Variants in LONP2 observed in about 807,000 individuals in gnomAD.
LONP2 encodes lon peptidase 2, peroxisomal, also known as lon protease homolog 2, peroxisomal.
Under a neutral mutation model 85.6 loss-of-function variants are expected in LONP2, and 60 were observed. The observed-to-expected ratio is 0.70, with a 90% CI of 0.57 to 0.87. The LOEUF (loss-of-function observed/expected upper bound fraction) is 0.87, where lower values mean the gene tolerates loss of function less well. Ranked by LOEUF, LONP2 falls within the 40% of genes least tolerant of loss-of-function variation. The probability of loss-of-function intolerance (pLI) is 0.00; values close to 1 mark genes in which losing one functional copy is unlikely to be tolerated. For synonymous variants in LONP2, 395 were observed against 389.7 expected (o/e 1.01, Z -0.16); for missense variants, 860 against 1,063.5 (o/e 0.81, Z 2.66).
At chr16:48,323,073 G>A (rs1177574486) in intron 11 of LONP2, among the ~76,000 whole-genome samples, 1 of 152,206 alleles carries the variant, frequency 6.6e-6, no homozygotes, top group Non-Finnish European at 1.5e-5. Flanking sequence ...ATTCTGGGAA[G>A]CTGATTAAAG....
rs752033578 is a variant in LONP2, at chr16:48,352,871, C to T, written c.*1069C>T. 1 of 152,256 alleles carries T rather than the reference C, an allele frequency of 6.6e-6. No individual in the cohort carries two copies. Among genetic ancestry groups the T allele is most frequent in the Non-Finnish European group, 1.5e-5 (1 of 68,068 alleles). 9.4% of individuals were successfully genotyped at this position (152,256 alleles called of 1,614,324 possible). ...GGTCCTAAGCATGGAATCCTAACTC[C>T]TGATTCCGTCTCCTATTTCTTGCTT... On this transcript the variant is annotated 3_prime_UTR_variant, in exon 15 of 15. Coordinates refer to ENST00000285737, the MANE Select transcript of LONP2 (RefSeq NM_031490.5).
At chr16:48,256,870 T>G in intron 3 of LONP2, 129 bp downstream of exon 3, 1 of 789,238 alleles carries the variant, frequency 1.3e-6, no homozygotes, top group Non-Finnish European at 2.0e-6. Context: ...TGCTTTTACA[T>G]TTAAACTGAC....
At chr16:48,307,452 ATTTG>A (rs1272125179) in intron 11 of LONP2, among the ~76,000 whole-genome samples, 1 of 152,212 alleles carries the variant, frequency 6.6e-6, no homozygotes, top group African/African-American at 2.4e-5. Flanking sequence ...GTAAATGTTC[ATTTG>A]TTTAAGTACC....
At chr16:48,288,481 C>T (rs138283588) in intron 8 of LONP2, among the ~76,000 whole-genome samples, 1,774 of 152,234 alleles carry the variant, frequency 0.012, 15 homozygotes, top group Non-Finnish European at 0.019. Context: ...TTTCTTAAGA[C>T]TGCCATAACA....
At chr16:48,312,750 G>C (rs949016434) in intron 11 of LONP2, among the ~76,000 whole-genome samples, 3 of 152,184 alleles carry the variant, frequency 2.0e-5, no homozygotes, top group Non-Finnish European at 4.4e-5. Context: ...GTAATGGGTG[G>C]TGCAGGTTGA....
At chr16:48,249,321 G>T (rs894044147) in intron 1 of LONP2, among the ~76,000 whole-genome samples, 23 of 152,208 alleles carry the variant, frequency 1.5e-4, no homozygotes, top group African/African-American at 5.3e-4. Flanking sequence ...TTAAAATGCT[G>T]CCTTTTGAGC....
intron 4 of LONP2, 41 bp downstream of exon 4, chr16:48,258,781 A>AG: frequency 6.4e-7 from 1 of 1,555,544 alleles, no homozygotes; most frequent in Non-Finnish European, 8.7e-7. Flanking sequence ...TGAAAAAAAA[A>AG]TAAGGAGAAT....
intron 11 of LONP2, among the ~76,000 whole-genome samples, chr16:48,317,378 A>G (rs758081177): frequency 1.3e-5 from 2 of 152,220 alleles, no homozygotes; most frequent in Non-Finnish European, 2.9e-5. Context: ...TAAATGTTTT[A>G]TGATTCTAAA....
At chr16:48,250,490 A>C (rs1971612908) in intron 1 of LONP2, among the ~76,000 whole-genome samples, 1 of 152,006 alleles carries the variant, frequency 6.6e-6, no homozygotes, top group Admixed American at 6.6e-5. Context: ...CAAAAAAAAA[A>C]AACAAAAAAC....
intron 11 of LONP2, among the ~76,000 whole-genome samples, chr16:48,307,363 C>CTT (rs1396778076): frequency 6.6e-6 from 1 of 152,140 alleles, no homozygotes; most frequent in Non-Finnish European, 1.5e-5. Flanking sequence ...TTTTATTCTG[C>CTT]TTTTTGCCTG....
At chr16:48,298,780 C>G (rs1972734617) in intron 9 of LONP2, among the ~76,000 whole-genome samples, 1 of 152,028 alleles carries the variant, frequency 6.6e-6, no homozygotes, top group Non-Finnish European at 1.5e-5. Context: ...AGGTGTTTTC[C>G]TCTTTGGGAA....
intron 8 of LONP2, among the ~76,000 whole-genome samples, chr16:48,288,912 C>T (rs1351606179): frequency 2.0e-5 from 3 of 152,058 alleles, no homozygotes; most frequent in African/African-American, 4.8e-5. Flanking sequence ...CCAGTGTGCC[C>T]ATATCATGTA....
chr16:48,348,487 CTTTTTTTTTTTTT>C (rs34729067), intron 14 of LONP2, among the ~76,000 whole-genome samples, 197 bp downstream of exon 14: 1 of 112,818 alleles, frequency 8.9e-6, no homozygotes, highest in African/African-American at 3.7e-5. Flanking sequence ...TCACATTTTC[CTTTTTTTTTTTTT>C]TTTTTTTTTG....
intron 11 of LONP2, among the ~76,000 whole-genome samples, chr16:48,321,099 G>A (rs1423780547): frequency 6.6e-6 from 1 of 151,660 alleles, no homozygotes; most frequent in East Asian, 1.9e-4. Flanking sequence ...TGCTCAGGCT[G>A]TTCTCAAACT....
intron 8 of LONP2, among the ~76,000 whole-genome samples, chr16:48,290,078 G>T (rs776591836): frequency 3.3e-5 from 5 of 151,940 alleles, no homozygotes; most frequent in Admixed American, 2.6e-4. Context: ...GAATATTTTC[G>T]TTTCTTTAAT....
At chr16:48,271,747 G>C (rs919837849) in intron 7 of LONP2, among the ~76,000 whole-genome samples, 2 of 152,088 alleles carry the variant, frequency 1.3e-5, no homozygotes, top group South Asian at 4.2e-4. Flanking sequence ...TTTTAAAAAA[G>C]ACTCATCACA....
chr16:48,336,617 C>CG, intron 12 of LONP2: 1 of 347,784 alleles, frequency 2.9e-6, no homozygotes, highest in Non-Finnish European at 5.7e-6. Flanking sequence ...CTGGCAGGGG[C>CG]GGGGGTCACA....
chr16:48,335,372 A>G (rs1959614840), intron 12 of LONP2, among the ~76,000 whole-genome samples: 1 of 152,158 alleles, frequency 6.6e-6, no homozygotes, highest in African/African-American at 2.4e-5. Context: ...GTCTAGCCCT[A>G]TTTTCATCTT....
chr16:48,302,019 C>G (rs1972816599), intron 10 of LONP2, among the ~76,000 whole-genome samples: 1 of 152,190 alleles, frequency 6.6e-6, no homozygotes, highest in South Asian at 2.1e-4. Flanking sequence ...CAGATAGAGT[C>G]TAAACAGTTC....
Sources: gnomAD v4.1 joint callset for allele counts (sites outside exome capture counted in the v4.1 genomes callset) on GRCh38, gnomAD v4.1.1 for gene constraint, MANE v1.5 for transcripts, NCBI Gene and HGNC (gene_info 2026-07-23, HGNC 2026-07-21) for gene names.